Variants in ZNF85 observed in about 807,000 individuals in gnomAD.
The protein encoded by ZNF85 is zinc finger protein 85 (HPF4, HTF1).
ZNF85 carries 50 observed loss-of-function variants against 53.9 expected under a neutral mutation model. The observed-to-expected ratio is 0.93, with a 90% CI of 0.74 to 1.17. The LOEUF (loss-of-function observed/expected upper bound fraction) is 1.17. Ranked by LOEUF, ZNF85 falls within the 50% of genes most tolerant of loss-of-function variation. ZNF85 has a pLI of 0.00. For synonymous variants in ZNF85, 225 were observed against 226.1 expected (o/e 1.00, Z 0.04); for missense variants, 747 against 688.5 (o/e 1.08, Z -0.95).
In ZNF85 at chr19:20,946,348, T is replaced by C. The variant is rs574500534; in HGVS notation, c.230-2396T>C. On this transcript the variant is annotated intron_variant, in intron 3 of 3. Coordinates refer to ENST00000328178, the MANE Select transcript of ZNF85 (RefSeq NM_003429.5). ...TATGAGCTATTGAGAAAGGTGTATA[T>C]CCTGATGTTACTGAGGAGTGTTCTC... The C allele has an allele frequency of 2.0e-4, 86 of 433,134 alleles. 1 individual carries two copies. The highest frequency in any genetic ancestry group is 1.5e-3 in the South Asian group (86 of 58,428). The allele number at this position is 433,134 out of a possible 1,614,324, so 26.8% of individuals were successfully genotyped here.
At chr19:20,931,597 A>ATTTTAT (rs1973019116) in intron 1 of ZNF85, among the ~76,000 whole-genome samples, 1 of 122,036 alleles carries the variant, frequency 8.2e-6, no homozygotes, top group Non-Finnish European at 1.8e-5. Context: ...ATGTGGCCAT[A>ATTTTAT]TTTTCTTTTT....
intron 3 of ZNF85, among the ~76,000 whole-genome samples, chr19:20,948,116 A>G (rs1973467146): frequency 6.6e-6 from 1 of 152,096 alleles, no homozygotes; most frequent in African/African-American, 2.4e-5. Flanking sequence ...TTTCTCTAAC[A>G]TGTTCTTAGG....
In ZNF85 at chr19:20,948,801, T is replaced by G. The variant is rs1164957292; in HGVS notation, c.287T>G (p.Phe96Cys). The G allele has an allele frequency of 3.1e-6, 5 of 1,608,138 alleles. No homozygotes were observed. The highest frequency in any genetic ancestry group is 4.2e-6 in the Non-Finnish European group (5 of 1,178,256). ...CCGGAGCAGAATATAAAAGATTCTT[T>G]CCAAAAAGTGACACTGAAAAGATAT... ...LWPEQNIKDS[F>C]QKVTLKRYGK... Residue 96 changes from phenylalanine to cysteine, a missense_variant, in exon 4 of 4, where the codon TTC becomes TGC. Physicochemically the swap from Phe to Cys is radical, Grantham distance 205. Coordinates refer to ENST00000328178, the MANE Select transcript of ZNF85 (RefSeq NM_003429.5).
chr19:20,947,222 CTT>C (rs1973442032), intron 3 of ZNF85, among the ~76,000 whole-genome samples: 1 of 151,712 alleles, frequency 6.6e-6, no homozygotes, highest in South Asian at 2.1e-4. Flanking sequence ...CTGCCCTCAA[CTT>C]TCTTATTGAT....
chr19:20,948,501 G>A (rs11085415), intron 3 of ZNF85, among the ~76,000 whole-genome samples: 17,005 of 151,786 alleles, frequency 0.11, 916 homozygotes, highest in Middle Eastern at 0.13. Context: ...TTCCTATGTG[G>A]CTCTTTGCAT....
intron 1 of ZNF85, among the ~76,000 whole-genome samples, chr19:20,930,120 C>CAA (rs57832039): frequency 0.46 from 36,495 of 78,618 alleles, 5,778 homozygotes; most frequent in East Asian, 0.53. Context: ...GACTCCGTCC[C>CAA]AAAAAAAAAA....
chr19:20,950,381 T>A lies in ZNF85; in HGVS notation c.*79T>A. The stretch of plus-strand genomic sequence containing the variant: ...TTATACTGGAGAGAAACTACTAACC[T>A]GAAAGATGTGACAATAATTTTGACA... On this transcript the variant is annotated 3_prime_UTR_variant, in exon 4 of 4. Transcript: ENST00000328178. 1 of 977,320 alleles carries A rather than the reference T, an allele frequency of 1.0e-6. No homozygotes were observed. The highest frequency in any genetic ancestry group is 1.5e-6 in the Non-Finnish European group (1 of 684,908). The allele number at this position is 977,320 out of a possible 1,614,324, so 60.5% of individuals were successfully genotyped here.
chr19:20,936,229 T>G (rs1435278398), intron 3 of ZNF85, among the ~76,000 whole-genome samples: 1 of 151,988 alleles, frequency 6.6e-6, no homozygotes, highest in Non-Finnish European at 1.5e-5. Context: ...ATATATAAGA[T>G]TATATGATCT....
At chr19:20,941,158 G>A (rs1973285417) in intron 3 of ZNF85, among the ~76,000 whole-genome samples, 1 of 152,032 alleles carries the variant, frequency 6.6e-6, no homozygotes, top group Non-Finnish European at 1.5e-5. Flanking sequence ...AAATTTGGTG[G>A]GTTTTTTTAT....
intron 2 of ZNF85, among the ~76,000 whole-genome samples, chr19:20,934,456 C>T (rs147497610): frequency 0.012 from 1,801 of 152,086 alleles, 31 homozygotes; most frequent in African/African-American, 0.034. Flanking sequence ...ATTTTTGATT[C>T]AATAGTACTG....
At chr19:20,932,915 C>T (rs768241476) in intron 1 of ZNF85, among the ~76,000 whole-genome samples, 6 of 151,712 alleles carry the variant, frequency 4.0e-5, no homozygotes, top group East Asian at 1.9e-4. Flanking sequence ...CTAGGATGGG[C>T]GCGGTGGCTC....
intron 1 of ZNF85, among the ~76,000 whole-genome samples, chr19:20,930,794 C>T (rs1399623236): frequency 2.0e-5 from 3 of 152,044 alleles, no homozygotes; most frequent in South Asian, 4.1e-4. Context: ...TATTTAGAGA[C>T]AGAGTTTCGC....
At position 20,949,882 on chromosome 19, in the gene ZNF85, T is replaced by C. The variant is rs2144682166; in HGVS notation, c.1368T>C (p.Cys456=). ...ATACTGGAGAGAAACCCTATGAATG[T>C]GAAAAATGTGGCAAAGCTTTTAACC... is the stretch of plus-strand genomic sequence containing the variant. The part of the protein sequence containing the change: ...KIHTGEKPYE[C]EKCGKAFNQS... The change falls in exon 4 of 4, where the codon TGT becomes TGC. Residue 456 remains cysteine (C), a synonymous_variant. Transcript: ENST00000328178. 1 of 1,612,724 alleles carries C rather than the reference T, an allele frequency of 6.2e-7. No homozygotes were observed. Among genetic ancestry groups the C allele is most frequent in the East Asian group, 2.2e-5 (1 of 44,812 alleles).
At position 20,933,957 on chromosome 19, in the gene ZNF85, ATGTGTGTGTGTGTGTG is replaced by A. The variant is rs56195718; in HGVS notation, c.4-41_4-26del. 4,150 of 1,158,362 alleles carry A rather than the reference ATGTGTGTGTGTGTGTG, an allele frequency of 3.6e-3. 69 individuals are homozygous for A. In the African/African-American group the frequency reaches 0.053, roughly 15 times the overall value. 71.8% of individuals were successfully genotyped at this position (1,158,362 alleles called of 1,614,324 possible). ...TGCTTTTCATAACCAGTTGGTAATT[ATGTGTGTGTGTGTGTG>A]TGTGTGTGTGTGTGTGTGTGTGTGT... On this transcript the variant is annotated intron_variant, in intron 1 of 3. Coordinates refer to ENST00000328178, the MANE Select transcript of ZNF85 (RefSeq NM_003429.5).
At chr19:20,934,638 A>G (rs368996144) in intron 2 of ZNF85, among the ~76,000 whole-genome samples, 1,645 of 151,812 alleles carry the variant, frequency 0.011, 26 homozygotes, top group African/African-American at 0.032. Context: ...GTGTGGTGGC[A>G]GGCACCTGTA....
At chr19:20,946,930 CTT>C (rs1568555188) in intron 3 of ZNF85, among the ~76,000 whole-genome samples, 1 of 151,208 alleles carries the variant, frequency 6.6e-6, no homozygotes, top group East Asian at 1.9e-4. Context: ...AAAAAGTTAA[CTT>C]TATGTATATT....
chr19:20,939,405 C>G (rs927119907), intron 3 of ZNF85, among the ~76,000 whole-genome samples: 1 of 151,980 alleles, frequency 6.6e-6, no homozygotes, highest in East Asian at 1.9e-4. Flanking sequence ...CAGGCACACA[C>G]CAGCACGGCT....
intron 1 of ZNF85, among the ~76,000 whole-genome samples, chr19:20,932,755 C>A (rs1331723431): frequency 6.6e-6 from 1 of 152,080 alleles, no homozygotes; most frequent in Non-Finnish European, 1.5e-5. Context: ...ATTACTATTA[C>A]AAATTATAGA....
intron 1 of ZNF85, among the ~76,000 whole-genome samples, chr19:20,932,773 G>T (rs1211426148): frequency 6.6e-6 from 1 of 152,106 alleles, no homozygotes; most frequent in African/African-American, 2.4e-5. Flanking sequence ...AGACAGGGAA[G>T]ATATCTGTAT....
Sources: gnomAD v4.1 joint callset for allele counts (sites outside exome capture counted in the v4.1 genomes callset) on GRCh38, gnomAD v4.1.1 for gene constraint, MANE v1.5 for transcripts, NCBI Gene and HGNC (gene_info 2026-07-23, HGNC 2026-07-21) for gene names.